The following LRBA variants were observed in gnomAD, a reference collection of about 807,000 sequenced individuals.
The protein encoded by LRBA is LPS responsive beige-like anchor protein, also known as lipopolysaccharide-responsive and beige-like anchor protein.
In LRBA, 176 loss-of-function variants were observed where a neutral mutation model predicts 330.0. The observed-to-expected ratio is 0.53, with a 90% CI of 0.47 to 0.60. The LOEUF (loss-of-function observed/expected upper bound fraction) is 0.60. Ranked by LOEUF, LRBA falls within the 20% of genes least tolerant of loss-of-function variation. The pLI, the probability that LRBA is intolerant of heterozygous loss-of-function variation, is 0.00. For synonymous variants in LRBA, 1,230 were observed against 1,193.0 expected (o/e 1.03, Z -0.64); for missense variants, 3,259 against 3,444.8 (o/e 0.95, Z 1.35).
chr4:150,747,942 C>T (rs1026807708), intron 35 of LRBA, among the ~76,000 whole-genome samples: 1 of 152,150 alleles, frequency 6.6e-6, no homozygotes, highest in South Asian at 2.1e-4. Context: ...CTAAAATCTT[C>T]ACGTGGATAC....
intron 37 of LRBA, among the ~76,000 whole-genome samples, chr4:150,665,781 T>G (rs1400687014): frequency 6.6e-6 from 1 of 152,212 alleles, no homozygotes; most frequent in Non-Finnish European, 1.5e-5. Flanking sequence ...ACCACAGATA[T>G]TTTCATCTGC....
At chr4:150,579,115 C>A in intron 40 of LRBA, 1 of 377,852 alleles carries the variant, frequency 2.6e-6, no homozygotes, top group Non-Finnish European at 5.2e-6. Flanking sequence ...GTTTCTTTCT[C>A]TCACTTGGTC....
intron 2 of LRBA, among the ~76,000 whole-genome samples, chr4:151,009,366 T>C (rs1744534283): frequency 6.6e-6 from 1 of 151,720 alleles, no homozygotes; most frequent in African/African-American, 2.4e-5. Context: ...CTGGCCAACA[T>C]GGTGAAACCC....
intron 2 of LRBA, among the ~76,000 whole-genome samples, chr4:150,954,146 T>TG (rs1270361355): frequency 1.4e-5 from 2 of 142,428 alleles, no homozygotes; most frequent in Non-Finnish European, 1.5e-5. Flanking sequence ...GTCGGGGAGG[T>TG]GGGGGGCAGC....
intron 37 of LRBA, among the ~76,000 whole-genome samples, chr4:150,612,797 C>A (rs1003422204): frequency 6.6e-6 from 1 of 151,954 alleles, no homozygotes; most frequent in African/African-American, 2.4e-5. Context: ...AATAAGCAAA[C>A]AAAAAATTAT....
intron 40 of LRBA, chr4:150,579,090 CT>C (rs1322223604): frequency 5.5e-6 from 2 of 362,552 alleles, no homozygotes; most frequent in African/African-American, 4.3e-5. Context: ...CTTGAAGTGG[CT>C]TTTAGCCTCT....
At chr4:150,798,194 T>G in intron 33 of LRBA, 52 bp from the exon 34 acceptor site, 1 of 1,130,446 alleles carries the variant, frequency 8.8e-7, no homozygotes, top group Non-Finnish European at 1.3e-6. Context: ...CAAATGAGGA[T>G]TTGTTACAAT....
chr4:150,553,480 TAACAC>T (rs1766888674), intron 40 of LRBA, among the ~76,000 whole-genome samples: 1 of 150,992 alleles, frequency 6.6e-6, no homozygotes, highest in East Asian at 1.9e-4. Flanking sequence ...AAAAAAAAAA[TAACAC>T]TCCCTCACCT....
At chr4:150,533,788 G>A (rs971950678) in intron 40 of LRBA, among the ~76,000 whole-genome samples, 1 of 152,126 alleles carries the variant, frequency 6.6e-6, no homozygotes, top group Non-Finnish European at 1.5e-5. Context: ...ATTAGCTAAT[G>A]AGTATTAATA....
In LRBA at chr4:150,900,059, TG is replaced by T; in HGVS notation, c.1913del (p.Pro638GlnfsTer4). On this transcript the variant is annotated frameshift_variant, in exon 14 of 57. Transcript: ENST00000651943. LOFTEE classifies it high-confidence loss of function. ...ACAGAAATTATATACCTAATCCTTT[TG>T]GGGTGATACCACTTCGATCCTGAGG... is the stretch of plus-strand genomic sequence containing the variant. Reference protein sequence around the residue: ...VNPQDRSGITPKGLDGPRPNQ... With the variant: ...VNPQDRSGITXKGLDGPRPNQ... 6.2e-7 allele frequency: 1 copy of T among 1,611,030 alleles called. No individual in the cohort carries two copies. The highest frequency in any genetic ancestry group is 8.5e-7 in the Non-Finnish European group (1 of 1,177,962).
intron 17 of LRBA, among the ~76,000 whole-genome samples, chr4:150,874,816 G>A (rs946792803): frequency 2.6e-5 from 4 of 152,132 alleles, no homozygotes; most frequent in Non-Finnish European, 5.9e-5. Flanking sequence ...AGCAACCTGA[G>A]CCCTATTCCA....
In LRBA at chr4:150,850,922, A is replaced by C. The variant is rs759284568; in HGVS notation, c.3826-20T>G. On this transcript the variant is annotated intron_variant, in intron 23 of 56. Transcript: ENST00000651943. The stretch of plus-strand genomic sequence containing the variant: ...TGATATCTAATACAGAAATTTAAAA[A>C]GTAATAAAATAGGTTCAACTTCAGC... 6.3e-7 allele frequency: 1 copy of C among 1,582,278 alleles called. No homozygotes were observed. The highest frequency in any genetic ancestry group is 1.4e-5 in the African/African-American group (1 of 73,616).
At chr4:150,936,051 A>C (rs1330772860) in intron 2 of LRBA, among the ~76,000 whole-genome samples, 5 of 151,350 alleles carry the variant, frequency 3.3e-5, no homozygotes, top group African/African-American at 9.7e-5. Context: ...TCAATTCACA[A>C]AAAAAAAATC....
intron 47 of LRBA, among the ~76,000 whole-genome samples, chr4:150,398,404 C>T (rs1326342650): frequency 3.3e-5 from 5 of 152,042 alleles, no homozygotes; most frequent in African/African-American, 1.2e-4. Context: ...GTGGTCCTTA[C>T]TTTTGCTCTC....
At chr4:150,627,100 C>A (rs952166104) in intron 37 of LRBA, among the ~76,000 whole-genome samples, 2 of 151,678 alleles carry the variant, frequency 1.3e-5, no homozygotes, top group African/African-American at 4.8e-5. Flanking sequence ...CTTAGGAAAA[C>A]AAATCTGAAA....
intron 2 of LRBA, among the ~76,000 whole-genome samples, chr4:150,993,202 A>G (rs1209942169): frequency 6.6e-6 from 1 of 152,226 alleles, no homozygotes; most frequent in African/African-American, 2.4e-5. Flanking sequence ...TAATTATTAG[A>G]ACAGATAATT....
chr4:150,373,168 TGTGTGA>T (rs1475444201), intron 47 of LRBA, among the ~76,000 whole-genome samples: 1,251 of 111,164 alleles, frequency 0.011, 12 homozygotes, highest in African/African-American at 0.031. Flanking sequence ...TGTGTGTGTG[TGTGTGA>T]GAGAGAGAGA....
intron 37 of LRBA, among the ~76,000 whole-genome samples, chr4:150,654,810 T>C (rs1780026204): frequency 6.6e-6 from 1 of 152,110 alleles, no homozygotes; most frequent in Admixed American, 6.6e-5. Context: ...TTTTTGTCCT[T>C]GCGATAGTTT....
rs535642338 is a variant in LRBA at position 150,516,651 on chromosome 4, A to C, written c.6331-25616T>G. ...ATGTCCAGCATTTTAAAAATGCTGA[A>C]GTTTATTAGTAGTACTAAAAAAGAC... On this transcript the variant is annotated intron_variant, in intron 40 of 56. Transcript: ENST00000651943. 2.5e-3 allele frequency among the ~76,000 whole-genome samples: 379 copies of C among 152,170 alleles called. 2 individuals are homozygous for C. The highest frequency in any genetic ancestry group is 0.01 in the Middle Eastern group (3 of 294).
Sources: allele counts gnomAD v4.1 joint callset (sites outside exome capture counted in the v4.1 genomes callset), GRCh38; gene constraint gnomAD v4.1.1; transcripts MANE v1.5; gene names NCBI Gene and HGNC (gene_info 2026-07-23, HGNC 2026-07-21).